Variants in SLC6A4 observed in about 807,000 individuals in gnomAD.
SLC6A4 encodes the protein sodium-dependent serotonin transporter.
Under a neutral mutation model 73.4 loss-of-function variants are expected in SLC6A4, and 22 were observed. That is an observed-to-expected ratio of 0.30 (90% CI 0.21 to 0.43). SLC6A4 has a LOEUF of 0.43. Among genes scored for constraint, SLC6A4 ranks in the 20% least tolerant of loss-of-function variants. The pLI is 1.00. For missense variants in SLC6A4, 593 were observed against 808.5 expected, an observed-to-expected ratio of 0.73 and a Z score of 3.23; for synonymous variants, 270 against 315.5, an observed-to-expected ratio of 0.86 and a Z score of 1.53.
At chr17:30,218,408 G>T in intron 4 of SLC6A4, 71 bp from the exon 5 acceptor site, 1 of 1,214,128 alleles carries the variant, frequency 8.2e-7, no homozygotes, top group East Asian at 2.4e-5. Context: ...GGCTGAAACG[G>T]GGCACTGGAG....
At chr17:30,206,308 C>G (rs1283318283) in intron 13 of SLC6A4, 1 of 151,662 alleles carries the variant, frequency 6.6e-6, no homozygotes, top group Admixed American at 6.6e-5. Flanking sequence ...AGAATAGTGC[C>G]TGCTGGTGTG....
intron 13 of SLC6A4, chr17:30,203,616 C>T (rs1338617608): frequency 1.2e-5 from 5 of 408,716 alleles, no homozygotes; most frequent in East Asian, 9.3e-5. Context: ...CCCCTACAGT[C>T]GGGGCTGAAG....
chr17:30,217,355 G>A (rs763200005), intron 5 of SLC6A4, 51 bp from the exon 6 acceptor site: 49 of 1,580,048 alleles, frequency 3.1e-5, no homozygotes, highest in Non-Finnish European at 4.1e-5. Flanking sequence ...AGAGTGACCT[G>A]GGCACACATC....
intron 11 of SLC6A4, among the ~76,000 whole-genome samples, chr17:30,209,910 G>A (rs1053674211): frequency 1.3e-5 from 2 of 152,108 alleles, no homozygotes; most frequent in African/African-American, 2.4e-5. Context: ...AAGGGCCCAG[G>A]ATACCAGACA....
At chr17:30,233,522 C>A (rs1567825242) in intron 1 of SLC6A4, among the ~76,000 whole-genome samples, 1 of 152,162 alleles carries the variant, frequency 6.6e-6, no homozygotes, top group African/African-American at 2.4e-5. Context: ...GGCCCTCCGG[C>A]ATTTTTGCAC....
intron 1 of SLC6A4, among the ~76,000 whole-genome samples, chr17:30,228,594 G>A (rs1325744176): frequency 3.9e-5 from 6 of 152,120 alleles, no homozygotes; most frequent in Middle Eastern, 3.2e-3. Context: ...GATCCACGTG[G>A]GCACTCAGGG....
chr17:30,208,081 A>G (rs944323436), intron 12 of SLC6A4, among the ~76,000 whole-genome samples: 1 of 152,178 alleles, frequency 6.6e-6, no homozygotes, highest in African/African-American at 2.4e-5. Context: ...GCATTTTTAT[A>G]GCAAGCAAGA....
At chr17:30,218,768 T>C (rs758254276) in intron 4 of SLC6A4, 29 bp downstream of exon 4, 4 of 1,612,366 alleles carry the variant, frequency 2.5e-6, no homozygotes, top group Non-Finnish European at 3.4e-6. Context: ...GAGGCTCCAC[T>C]TACCCACCCC....
At position 30,197,128 on chromosome 17, in the gene SLC6A4, G is replaced by C. The variant is rs1451292202; in HGVS notation, c.*1328C>G. ...AATATTAATTTGCTCCTCTACCTAC[G>C]CCTCTGAGAGTCACGAGACACCAAA... On this transcript the variant is annotated 3_prime_UTR_variant, in exon 15 of 15. Transcript: ENST00000650711. The C allele has an allele frequency of 2.0e-5, 3 of 152,180 alleles. No individual in the cohort carries two copies. The highest frequency in any genetic ancestry group is 1.5e-5 in the Non-Finnish European group (1 of 68,018). 9.4% of individuals were successfully genotyped at this position (152,180 alleles called of 1,614,324 possible). A position where few individuals can be genotyped will look rare whatever the true frequency, so the allele number is the denominator to read the frequency against.
chr17:30,234,157 A>G (rs955204623), intron 1 of SLC6A4, among the ~76,000 whole-genome samples: 6 of 152,202 alleles, frequency 3.9e-5, no homozygotes, highest in East Asian at 1.9e-4. Context: ...AGATTCCATT[A>G]AAACATCAAC....
In SLC6A4 at chr17:30,212,732, G is replaced by A. The variant is rs2036671816; in HGVS notation, c.1204+8C>T. The A allele has an allele frequency of 6.2e-7, 1 of 1,613,922 alleles. No individual in the cohort carries two copies. The highest frequency in any genetic ancestry group is 1.7e-5 in the Admixed American group (1 of 60,002). On this transcript the variant is annotated splice_region_variant and intron_variant, in intron 9 of 14. Coordinates refer to ENST00000650711, the MANE Select transcript of SLC6A4 (RefSeq NM_001045.6). ...AGCAAGGGACCTGCATAGAACCCGAGGTCCTACCTGCGTCTTTGGCCACCT... is the reference window on the plus strand; with the variant it reads ...AGCAAGGGACCTGCATAGAACCCGAAGTCCTACCTGCGTCTTTGGCCACCT...
rs1406781896 is a variant in SLC6A4 at position 30,197,432 on chromosome 17, A to C, written c.*1024T>G. 6.6e-6 allele frequency: 1 copy of C among 152,432 alleles called. No individual in the cohort carries two copies. Among genetic ancestry groups the C allele is most frequent in the Non-Finnish European group, 1.5e-5 (1 of 68,096 alleles). 9.4% of individuals were successfully genotyped at this position (152,432 alleles called of 1,614,324 possible). A position where few individuals can be genotyped will look rare whatever the true frequency, so the allele number is the denominator to read the frequency against. ...TTTACCCTCCTCTCTTCACCGAGCA[A>C]AGCAACCTGGACAGTCAAACTCAGT... On this transcript the variant is annotated 3_prime_UTR_variant, in exon 15 of 15. Transcript: ENST00000650711.
At chr17:30,217,105 T>C in intron 6 of SLC6A4, 61 bp downstream of exon 6, 1 of 1,514,452 alleles carries the variant, frequency 6.6e-7, no homozygotes, top group Admixed American at 1.9e-5. Flanking sequence ...TACTGGGTTT[T>C]GAGTTTGAGA....
chr17:30,222,138 G>T, intron 2 of SLC6A4, 57 bp from the exon 3 acceptor site: 1 of 1,122,894 alleles, frequency 8.9e-7, no homozygotes. Flanking sequence ...ACTCATCTTT[G>T]GTATTAACTC....
intron 12 of SLC6A4, among the ~76,000 whole-genome samples, chr17:30,208,383 C>A (rs1295583385): frequency 1.3e-5 from 2 of 152,100 alleles, no homozygotes; most frequent in African/African-American, 2.4e-5. Flanking sequence ...GATCAAGGTT[C>A]TTCTATAAAA....
chr17:30,220,541 AGGTT>A (rs921062122), intron 3 of SLC6A4, among the ~76,000 whole-genome samples: 5 of 152,172 alleles, frequency 3.3e-5, no homozygotes, highest in African/African-American at 9.7e-5. Context: ...GCGTGGTTTG[AGGTT>A]GGTATTAATG....
At position 30,195,596 on chromosome 17, in the gene SLC6A4, A is replaced by T. The variant is rs1209885930; in HGVS notation, c.*2860T>A. The T allele has an allele frequency of 6.6e-6, 1 of 152,114 alleles. No individual in the cohort carries two copies. 9.4% of individuals were successfully genotyped at this position (152,114 alleles called of 1,614,324 possible). ...TATTTCACTCTAGCAGAGGAAATAAAACTCCAGTTCACCTGTCTTTAGCGC... is the reference window on the plus strand; with the variant it reads ...TATTTCACTCTAGCAGAGGAAATAATACTCCAGTTCACCTGTCTTTAGCGC... On this transcript the variant is annotated 3_prime_UTR_variant, in exon 15 of 15. Transcript: ENST00000650711.
Position 30,218,867 on chromosome 17 carries a change from CT to C in SLC6A4, c.407del (p.Glu136GlyfsTer126). On this transcript the variant is annotated frameshift_variant, in exon 4 of 15. Transcript: ENST00000650711. LOFTEE classifies it high-confidence loss of function. ...TTCGGTGGTACTGTCCCAGTGCGAG[CT>C]CCATGTAAAAGAGCGGGATTCCCCC... ...IFGGIPLFYM[E>X]LALGQYHRNG... The C allele has an allele frequency of 6.2e-7, 1 of 1,614,026 alleles. No homozygotes were observed. Among genetic ancestry groups the C allele is most frequent in the Non-Finnish European group, 8.5e-7 (1 of 1,179,972 alleles).
chr17:30,198,531 C>T lies in SLC6A4; in HGVS notation c.1819-1G>A. On this transcript the variant is annotated splice_acceptor_variant, in intron 14 of 14. Transcript: ENST00000650711. LOFTEE classifies it high-confidence loss of function. ...CTGGGGTAATACTTTTAATAATACG[C>T]TATTGGGAAGAAAATACAATGTTAT... 1 of 1,551,810 alleles carries T rather than the reference C, an allele frequency of 6.4e-7. No homozygotes were observed. The highest frequency in any genetic ancestry group is 8.9e-7 in the Non-Finnish European group (1 of 1,126,346).
Sources: gnomAD v4.1 joint callset for allele counts (sites outside exome capture counted in the v4.1 genomes callset) on GRCh38, gnomAD v4.1.1 for gene constraint, MANE v1.5 for transcripts, NCBI Gene and HGNC (gene_info 2026-07-23, HGNC 2026-07-21) for gene names.